The following TECTA variants were observed in gnomAD, a reference collection of about 807,000 sequenced individuals.
The protein encoded by TECTA is tectorin alpha, also known as alpha-tectorin.
In TECTA, 128 loss-of-function variants were observed where a neutral mutation model predicts 216.8. That is an observed-to-expected ratio of 0.59 (90% CI 0.51 to 0.68). The LOEUF (loss-of-function observed/expected upper bound fraction) is 0.68, where lower values mean the gene tolerates loss of function less well. TECTA is among the 30% of genes least tolerant of loss of function. TECTA has a pLI of 0.00. For missense variants in TECTA, 2,551 were observed against 2,786.2 expected, an observed-to-expected ratio of 0.92 and a Z score of 1.90; for synonymous variants, 1,089 against 1,117.1, an observed-to-expected ratio of 0.97 and a Z score of 0.50.
Position 121,130,097 on chromosome 11 carries a change from C to A in TECTA, c.2827C>A (p.Leu943Met), listed in dbSNP as rs139158022. The A allele has an allele frequency of 2.0e-4, 321 of 1,613,714 alleles. No individual in the cohort carries two copies. Among genetic ancestry groups the A allele is most frequent in the Middle Eastern group, 1.5e-3 (9 of 6,062 alleles). Residue 943 changes from leucine (L) to methionine (M), a missense_variant, in exon 10 of 24, where the codon CTG becomes ATG. Physicochemically the swap from Leu to Met is conservative, Grantham distance 15. Transcript: ENST00000392793. ...TAYYRTCLFR[L>M]CQSGGNESEL... is the part of the protein sequence containing the mutation. ...CTATTACCGCACCTGCCTTTTCCGCCTGTGCCAGAGTGGGGGCAATGAGTC... is the reference window on the plus strand; with the variant it reads ...CTATTACCGCACCTGCCTTTTCCGCATGTGCCAGAGTGGGGGCAATGAGTC...
At chr11:121,137,395 C>T (rs1439606598) in intron 10 of TECTA, 26 bp from the exon 11 acceptor site, 11 of 1,613,730 alleles carry the variant, frequency 6.8e-6, no homozygotes, top group Non-Finnish European at 9.3e-6. Context: ...TTTTCTCAAA[C>T]CCGTCTTCTC....
intron 12 of TECTA, among the ~76,000 whole-genome samples, chr11:121,148,167 G>T (rs1946857661): frequency 6.6e-6 from 1 of 152,134 alleles, no homozygotes; most frequent in African/African-American, 2.4e-5. Context: ...ACCCAGAGCC[G>T]AGTCTGCCCT....
intron 20 of TECTA, among the ~76,000 whole-genome samples, chr11:121,177,567 A>G (rs1398330086): frequency 1.3e-5 from 2 of 152,100 alleles, no homozygotes; most frequent in Non-Finnish European, 2.9e-5. Context: ...CGGCCGTGTG[A>G]GGTGTCAGTC....
At chr11:121,115,731 G>A (rs1946495725) in intron 6 of TECTA, among the ~76,000 whole-genome samples, 1 of 152,142 alleles carries the variant, frequency 6.6e-6, no homozygotes, top group South Asian at 2.1e-4. Context: ...ATAGCTCACT[G>A]TAACTTTGAA....
intron 20 of TECTA, among the ~76,000 whole-genome samples, chr11:121,186,850 A>T (rs1016331741): frequency 1.3e-5 from 2 of 152,246 alleles, no homozygotes; most frequent in Non-Finnish European, 2.9e-5. Context: ...AGAGCTTTTT[A>T]GCTCCTATGG....
Position 121,118,510 on chromosome 11 carries a change from C to G in TECTA, c.995C>G (p.Thr332Ser), listed in dbSNP as rs759555400. The change falls in exon 7 of 24, where the codon ACT becomes AGT. Residue 332 changes from threonine to serine, a missense_variant. Around this residue, in one of 3 missense-constraint regions of TECTA, gnomAD observed 2,375 missense variants for 2,563.9 expected, o/e 0.93. Coordinates refer to ENST00000392793, the MANE Select transcript of TECTA (RefSeq NM_005422.4). ...CVVFGEPHYH[T>S]FDGFLFHFQG... Reference sequence around the variant, plus strand: ...GTGTTTGGGGAGCCACACTACCACACTTTTGACGGCTTCCTCTTCCACTTC... The same window carrying G: ...GTGTTTGGGGAGCCACACTACCACAGTTTTGACGGCTTCCTCTTCCACTTC... The G allele has an allele frequency of 2.5e-6, 4 of 1,614,086 alleles. No homozygotes were observed. In the South Asian group the frequency reaches 4.4e-5, roughly 18 times the overall value.
chr11:121,114,534 A>G (rs1377640210), intron 6 of TECTA, among the ~76,000 whole-genome samples: 1 of 150,916 alleles, frequency 6.6e-6, no homozygotes, highest in Non-Finnish European at 1.5e-5. Context: ...AGAAGGAAAT[A>G]ATGCCTCTGT....
At chr11:121,156,998 C>A (rs1267685327) in intron 13 of TECTA, among the ~76,000 whole-genome samples, 2 of 152,210 alleles carry the variant, frequency 1.3e-5, no homozygotes, top group East Asian at 3.9e-4. Context: ...GTACTTCCAT[C>A]AGAAGTAAAT....
chr11:121,115,491 G>A (rs1208490057), intron 6 of TECTA, among the ~76,000 whole-genome samples: 1 of 152,196 alleles, frequency 6.6e-6, no homozygotes. Flanking sequence ...AAACACAGAG[G>A]AAGACCATGG....
intron 10 of TECTA, among the ~76,000 whole-genome samples, chr11:121,135,817 GCA>G (rs1946720552): frequency 6.6e-6 from 1 of 152,170 alleles, no homozygotes; most frequent in Non-Finnish European, 1.5e-5. Context: ...TCTTTAGATC[GCA>G]CAGACTTGTA....
intron 20 of TECTA, among the ~76,000 whole-genome samples, chr11:121,176,329 T>C (rs1342382699): frequency 2.7e-5 from 4 of 150,414 alleles, no homozygotes; most frequent in African/African-American, 9.9e-5. Context: ...CTGGTACCGG[T>C]TGTTCCTTTC....
intron 7 of TECTA, among the ~76,000 whole-genome samples, chr11:121,119,487 A>G (rs1042731158): frequency 3.9e-5 from 6 of 152,168 alleles, no homozygotes; most frequent in African/African-American, 1.4e-4. Flanking sequence ...AAAAGAGAAA[A>G]AGCAAAAAGC....
chr11:121,112,912 G>A (rs577386244), intron 4 of TECTA, among the ~76,000 whole-genome samples, 160 bp from the exon 5 acceptor site: 73 of 152,326 alleles, frequency 4.8e-4, no homozygotes, highest in Non-Finnish European at 9.1e-4. Flanking sequence ...CAACGGAGGC[G>A]AGAACAAATT....
In TECTA at chr11:121,168,213, C is replaced by T; in HGVS notation, c.5746C>T (p.Leu1916=). ...CTTGGATTCTGTTGTGAAGCCTATGCTAAGGTAAGGTGTCTCCTGGGCTGT... is the reference window on the plus strand; with the variant it reads ...CTTGGATTCTGTTGTGAAGCCTATGTTAAGGTAAGGTGTCTCCTGGGCTGT... The part of the protein sequence containing the change: ...ISLDSVVKPM[L]SVINLTVPTQ... The change falls in exon 19 of 24, where the codon CTA becomes TTA. Residue 1916 remains leucine (L), a synonymous_variant. Coordinates refer to ENST00000392793, the MANE Select transcript of TECTA (RefSeq NM_005422.4). The T allele has an allele frequency of 6.2e-7, 1 of 1,614,196 alleles. No homozygotes were observed. Among genetic ancestry groups the T allele is most frequent in the Non-Finnish European group, 8.5e-7 (1 of 1,180,004 alleles).
At chr11:121,139,954 G>A (rs1297041771) in intron 11 of TECTA, among the ~76,000 whole-genome samples, 2 of 152,146 alleles carry the variant, frequency 1.3e-5, no homozygotes, top group Admixed American at 6.5e-5. Flanking sequence ...CACGTTGCTC[G>A]CATCATATTT....
At chr11:121,121,836 A>C (rs1325288068) in intron 7 of TECTA, among the ~76,000 whole-genome samples, 1 of 152,198 alleles carries the variant, frequency 6.6e-6, no homozygotes, top group African/African-American at 2.4e-5. Context: ...CGTATTTGAC[A>C]TTCATAATTA....
chr11:121,133,433 T>C (rs537567466), intron 10 of TECTA, among the ~76,000 whole-genome samples: 2 of 152,372 alleles, frequency 1.3e-5, no homozygotes, highest in African/African-American at 2.4e-5. Context: ...GACTGAGCAA[T>C]GTTCTTTACG....
rs1555121799 is a variant in TECTA at position 121,109,470 on chromosome 11, C to T, written c.458C>T (p.Thr153Met). Residue 153 changes from threonine to methionine, a missense_variant, in exon 4 of 24, where the codon ACG (threonine) becomes ATG (methionine). By Grantham distance (81) the Thr-to-Met change is moderately conservative. Transcript: ENST00000392793. ...WVFIVTWEEVTFYGGSSTTPV... is the reference protein window; with the variant it reads ...WVFIVTWEEVMFYGGSSTTPV... ...TTCATTGTGACATGGGAGGAAGTCA[C>T]GTTTTATGGAGGCAGCAGCACCACA... The T allele has an allele frequency of 6.2e-7, 1 of 1,614,124 alleles. No individual in the cohort carries two copies. Among genetic ancestry groups the T allele is most frequent in the Non-Finnish European group, 8.5e-7 (1 of 1,180,020 alleles).
rs756789927 is a variant in TECTA, at chr11:121,113,079, C to T, written c.494C>T (p.Thr165Ile). 24 of 1,614,140 alleles carry T rather than the reference C, an allele frequency of 1.5e-5. No homozygotes were observed. In the East Asian group the frequency reaches 3.1e-4, roughly 21 times the overall value. The change falls in exon 5 of 24, where the codon ACC becomes ATC. Residue 165 changes from threonine to isoleucine, a missense_variant. By Grantham distance (89) the Thr-to-Ile change is moderately conservative. Transcript: ENST00000392793. This position sits in a 1 kb window ranked among gnomAD's most constrained non-coding sequence, Gnocchi z 4.2. ...YGGSSTTPVN[T>I]FQAVLVSDGS... ...CGCATTCCCATCCTGTAGGTGAACACCTTCCAGGCCGTCCTAGTGTCCGAT... is the reference window on the plus strand; with the variant it reads ...CGCATTCCCATCCTGTAGGTGAACATCTTCCAGGCCGTCCTAGTGTCCGAT...
Sources: gnomAD v4.1 joint callset for allele counts (sites outside exome capture counted in the v4.1 genomes callset) on GRCh38, gnomAD v4.1.1 for gene constraint, gnomAD v4.1.1 regional missense constraint, Gnocchi (gnomAD v3.1) non-coding constraint, MANE v1.5 for transcripts, NCBI Gene and HGNC (gene_info 2026-07-23, HGNC 2026-07-21) for gene names.